Variants in NRG1 observed in about 807,000 individuals in gnomAD.
NRG1 encodes the protein neuregulin 1.
NRG1 carries 18 observed loss-of-function variants against 63.8 expected under a neutral mutation model. That is an observed-to-expected ratio of 0.28 (90% CI 0.19 to 0.42). NRG1 has a LOEUF of 0.42. Ranked by LOEUF, NRG1 falls within the 10% of genes least tolerant of loss-of-function variation. The pLI is 1.00. For missense variants in NRG1, 762 were observed against 814.7 expected, an observed-to-expected ratio of 0.94 and a Z score of 0.79; for synonymous variants, 302 against 301.3, an observed-to-expected ratio of 1.00 and a Z score of -0.02.
At chr8:32,167,756 G>C (rs781510893) in intron 1 of NRG1, among the ~76,000 whole-genome samples, 2 of 152,196 alleles carry the variant, frequency 1.3e-5, no homozygotes, top group Admixed American at 6.5e-5. Flanking sequence ...CCCATTCTGG[G>C]GATGGCATCT....
Position 32,468,145 on chromosome 8 carries a change from T to C in NRG1, c.38-127683T>C, listed in dbSNP as rs1408029030. ...GGAGCATGACAGTTGTGCACAACCA[T>C]TAGCACACAAGAAATGACTTTCCTG... On this transcript the variant is annotated intron_variant, in intron 1 of 10. Transcript: ENST00000519301. Among the ~76,000 whole-genome samples, 4 of 152,140 alleles carry C rather than the reference T, an allele frequency of 2.6e-5. No individual in the cohort carries two copies. The East Asian group carries it at 7.7e-4, about 29-fold the overall frequency.
Position 31,701,346 on chromosome 8 carries a change from T to TC in NRG1, c.37+61916dup, listed in dbSNP as rs1202285240. ...CATTTCTCACTCTTGTGAGCATGTTTCTAAATCCCAAATCAATCTGACAAA... is the reference window on the plus strand; with the variant it reads ...CATTTCTCACTCTTGTGAGCATGTTTCCTAAATCCCAAATCAATCTGACAAA... On this transcript the variant is annotated intron_variant, in intron 1 of 10. Coordinates refer to the NRG1 transcript ENST00000519301. Among the ~76,000 whole-genome samples, 4 of 152,188 alleles carry TC rather than the reference T, an allele frequency of 2.6e-5. No homozygotes were observed. In the East Asian group the frequency reaches 7.7e-4, roughly 29 times the overall value.
intron 1 of NRG1, among the ~76,000 whole-genome samples, chr8:31,958,082 G>GATAGATAGAT (rs1306905929): frequency 6.6e-6 from 1 of 151,438 alleles, no homozygotes; most frequent in East Asian, 2.0e-4. Context: ...TAGATAGATA[G>GATAGATAGAT]ACAGACAGAT....
chr8:32,060,970 C>T (rs900207704), intron 1 of NRG1, among the ~76,000 whole-genome samples: 4 of 151,962 alleles, frequency 2.6e-5, no homozygotes, highest in African/African-American at 7.2e-5. Flanking sequence ...AACTTCCCAT[C>T]ACCTATCTTC....
intron 5 of NRG1, among the ~76,000 whole-genome samples, chr8:32,676,817 A>G (rs1807251756): frequency 6.6e-6 from 1 of 152,134 alleles, no homozygotes; most frequent in South Asian, 2.1e-4. Flanking sequence ...ATCAACATTT[A>G]AGTTTTGTCT....
intron 1 of NRG1, among the ~76,000 whole-genome samples, chr8:32,412,785 A>C (rs764193746): frequency 1.3e-5 from 2 of 152,210 alleles, no homozygotes; most frequent in African/African-American, 4.8e-5. Flanking sequence ...AGAAAAACAC[A>C]GTAAAAATAT....
intron 5 of NRG1, among the ~76,000 whole-genome samples, chr8:32,626,627 C>T (rs1206111015): frequency 6.6e-6 from 1 of 150,944 alleles, no homozygotes; most frequent in Non-Finnish European, 1.5e-5. Flanking sequence ...TTGCAGTGAG[C>T]CAAAATCGCG....
At chr8:32,268,404 G>A (rs1314358619) in intron 1 of NRG1, among the ~76,000 whole-genome samples, 1 of 152,196 alleles carries the variant, frequency 6.6e-6, no homozygotes, top group African/African-American at 2.4e-5. Flanking sequence ...TGTGAGTCCT[G>A]GTAATTGGAT....
chr8:32,010,024 G>A (rs1814487954), intron 1 of NRG1, among the ~76,000 whole-genome samples: 1 of 151,964 alleles, frequency 6.6e-6, no homozygotes, highest in South Asian at 2.1e-4. Flanking sequence ...TCCTTGGAGG[G>A]TGGTCACCTG....
At chr8:32,141,457 G>A (rs1006059420) in intron 1 of NRG1, among the ~76,000 whole-genome samples, 2 of 150,920 alleles carry the variant, frequency 1.3e-5, no homozygotes, top group Non-Finnish European at 3.0e-5. Context: ...TTTTGGCCAG[G>A]GAAACATTTT....
rs1801300820 is a variant in NRG1, at chr8:32,320,839, T to A, written c.38-274989T>A. On this transcript the variant is annotated intron_variant, in intron 1 of 10. Transcript: ENST00000519301. ...CTGAGACATTGTATGGTCTTGGTTT[T>A]AAATTTCTTGAGTAATCTGGTTAAT... Among the ~76,000 whole-genome samples, 3 of 152,214 alleles carry A rather than the reference T, an allele frequency of 2.0e-5. No individual in the cohort carries two copies. In the East Asian group the frequency reaches 5.8e-4, roughly 29 times the overall value.
At chr8:31,710,867 T>A (rs1811670507) in intron 1 of NRG1, among the ~76,000 whole-genome samples, 1 of 152,096 alleles carries the variant, frequency 6.6e-6, no homozygotes, top group Non-Finnish European at 1.5e-5. Context: ...ATGTTAAATT[T>A]TTTGCTTTCA....
intron 1 of NRG1, among the ~76,000 whole-genome samples, chr8:32,369,563 C>T (rs577345231): frequency 2.0e-5 from 3 of 152,180 alleles, no homozygotes; most frequent in Non-Finnish European, 4.4e-5. Context: ...ATGCTAAGGG[C>T]CCCCAACCAG....
intron 5 of NRG1, among the ~76,000 whole-genome samples, chr8:32,627,028 A>T (rs927052135): frequency 2.8e-5 from 4 of 143,858 alleles, no homozygotes; most frequent in African/African-American, 1.2e-4. Flanking sequence ...TCAAAAAAAT[A>T]AAAATAAAAA....
intron 1 of NRG1, among the ~76,000 whole-genome samples, chr8:32,272,419 G>A (rs1851641681): frequency 6.6e-6 from 1 of 152,122 alleles, no homozygotes; most frequent in Non-Finnish European, 1.5e-5. Flanking sequence ...TGGGAGTTAG[G>A]GCTTCAACCC....
chr8:32,050,201 A>T (rs778072838), intron 1 of NRG1, among the ~76,000 whole-genome samples: 7 of 152,168 alleles, frequency 4.6e-5, no homozygotes, highest in Non-Finnish European at 1.0e-4. Flanking sequence ...AATTTAAAAG[A>T]CATTGCGTCA....
At chr8:32,479,531 G>C (rs1824961352) in intron 1 of NRG1, among the ~76,000 whole-genome samples, 1 of 152,066 alleles carries the variant, frequency 6.6e-6, no homozygotes. Flanking sequence ...CAATTTATTT[G>C]TCATAGTTCA....
chr8:32,300,716 G>C (rs943318300), intron 1 of NRG1, among the ~76,000 whole-genome samples: 1 of 152,198 alleles, frequency 6.6e-6, no homozygotes, highest in African/African-American at 2.4e-5. Context: ...ATACACACGA[G>C]AGATGCACAT....
exon 9 of NRG1, chr8:32,756,501 C>A (rs888243581): frequency 1.2e-6 from 2 of 1,613,010 alleles, no homozygotes; most frequent in African/African-American, 1.3e-5. Flanking sequence ...CATCCTAACC[C>A]ACCCCCCGAG....
Sources: gnomAD v4.1 joint callset for allele counts (sites outside exome capture counted in the v4.1 genomes callset) on GRCh38, gnomAD v4.1.1 for gene constraint, MANE v1.5 for transcripts, NCBI Gene and HGNC (gene_info 2026-07-23, HGNC 2026-07-21) for gene names.